FIRRM: variants seen among roughly 807,000 people sequenced by gnomAD.
FIRRM encodes FIGNL1-interacting regulator of recombination and mitosis.
chr1:169,813,054 A>G, the FIRRM span, among the ~76,000 whole-genome samples: 2 of 152,156 alleles, frequency 1.3e-5, no homozygotes, highest in Admixed American at 1.3e-4. Flanking sequence ...CAATCAACAT[A>G]TAAGTTAAGA....
the FIRRM span, among the ~76,000 whole-genome samples, chr1:169,803,805 T>A: frequency 6.6e-6 from 1 of 152,212 alleles, no homozygotes; most frequent in Non-Finnish European, 1.5e-5. Flanking sequence ...AATTAATACC[T>A]CTCTTTGCTG....
chr1:169,821,848 G>C, the FIRRM span: 1 of 824,342 alleles, frequency 1.2e-6, no homozygotes, highest in Non-Finnish European at 1.9e-6. Flanking sequence ...GAAATTTCAA[G>C]CTCAGATAGC....
chr1:169,852,057 T>G, the FIRRM span: 3 of 1,374,382 alleles, frequency 2.2e-6, no homozygotes, highest in South Asian at 2.5e-5. Flanking sequence ...CAAATAGATC[T>G]AGACATGTAA....
At chr1:169,827,011 T>C in the FIRRM span, 1 of 1,589,372 alleles carries the variant, frequency 6.3e-7, no homozygotes, top group Non-Finnish European at 8.6e-7. Flanking sequence ...AATTAGAAGA[T>C]AGCTATTAAT....
chr1:169,806,939 TACTC>T, the FIRRM span, among the ~76,000 whole-genome samples: 1 of 152,218 alleles, frequency 6.6e-6, no homozygotes, highest in Non-Finnish European at 1.5e-5. Flanking sequence ...ACATAGTTAA[TACTC>T]AAGGAATTAG....
At chr1:169,795,248 A>G in the FIRRM span, 160 of 1,529,416 alleles carry the variant, frequency 1.0e-4, no homozygotes, top group Non-Finnish European at 1.3e-4. Context: ...TACCTAGAGA[A>G]GGGTGTGGGC....
chr1:169,799,038 T>TA, the FIRRM span: 1 of 509,562 alleles, frequency 2.0e-6, no homozygotes, highest in Non-Finnish European at 3.4e-6. Context: ...GATGTGTTCT[T>TA]ACAGTTTTGT....
At chr1:169,812,502 G>T in the FIRRM span, among the ~76,000 whole-genome samples, 2 of 152,176 alleles carry the variant, frequency 1.3e-5, no homozygotes, top group African/African-American at 4.8e-5. Context: ...TATAAGGTCA[G>T]TGTAGAATAA....
At chr1:169,821,725 GT>G in the FIRRM span, 4 of 1,610,900 alleles carry the variant, frequency 2.5e-6, no homozygotes, top group Admixed American at 3.4e-5. Flanking sequence ...AAATTGTGTC[GT>G]TTTTTTGCCA....
the FIRRM span, among the ~76,000 whole-genome samples, chr1:169,821,508 G>A: frequency 3.3e-5 from 5 of 151,862 alleles, no homozygotes; most frequent in East Asian, 5.8e-4. Context: ...TATTTGTATC[G>A]CACCTAATAA....
the FIRRM span, chr1:169,792,529 T>G: frequency 7.1e-7 from 1 of 1,416,716 alleles, no homozygotes; most frequent in African/African-American, 1.4e-5. Context: ...AACACTCAAA[T>G]TTTTGGTCCT....
the FIRRM span, among the ~76,000 whole-genome samples, chr1:169,821,301 ATTCT>A: frequency 6.6e-6 from 1 of 152,082 alleles, no homozygotes; most frequent in South Asian, 2.1e-4. Flanking sequence ...TTTATATATC[ATTCT>A]TTCTTTGATT....
At chr1:169,823,405 T>C in the FIRRM span, 2 of 1,592,922 alleles carry the variant, frequency 1.3e-6, no homozygotes, top group East Asian at 4.5e-5. Flanking sequence ...TGTTTTATTT[T>C]AGGAATTTCT....
At chr1:169,837,051 G>T in the FIRRM span, 73 of 1,611,402 alleles carry the variant, frequency 4.5e-5, no homozygotes, top group Non-Finnish European at 5.3e-5. Flanking sequence ...ACCACAGTAG[G>T]CACTGCAGAA....
the FIRRM span, among the ~76,000 whole-genome samples, chr1:169,801,201 GAGAGGCTGAGGTGGGC>G: frequency 6.8e-4 from 104 of 152,180 alleles, no homozygotes; most frequent in African/African-American, 2.3e-3. Context: ...CCAGCTCTCT[GAGAGGCTGAGGTGGGC>G]AGATCATCTG....
At chr1:169,800,192 C>G in the FIRRM span, among the ~76,000 whole-genome samples, 10 of 152,118 alleles carry the variant, frequency 6.6e-5, no homozygotes, top group Non-Finnish European at 1.5e-5. Context: ...TGCTACCATG[C>G]GTGGCTAATT....
At chr1:169,842,485 A>C in the FIRRM span, 1 of 1,614,062 alleles carries the variant, frequency 6.2e-7, no homozygotes, top group African/African-American at 1.3e-5. Context: ...CAGGAAAACA[A>C]ACTGCAATTA....
At chr1:169,852,925 G>C in the FIRRM span, 3 of 1,614,156 alleles carry the variant, frequency 1.9e-6, no homozygotes, top group Admixed American at 5.0e-5. Context: ...GCTTTCAATG[G>C]AAATGGAGGC....
At chr1:169,834,641 G>A in the FIRRM span, among the ~76,000 whole-genome samples, 1 of 152,062 alleles carries the variant, frequency 6.6e-6, no homozygotes, top group African/African-American at 2.4e-5. Flanking sequence ...ACAATAGCTC[G>A]AGGAAATTAA....
Sources: gnomAD v4.1 joint callset for allele counts (sites outside exome capture counted in the v4.1 genomes callset) on GRCh38, gnomAD v4.1.1 for gene constraint, MANE v1.5 for transcripts, NCBI Gene and HGNC (gene_info 2026-07-23, HGNC 2026-07-21) for gene names.